MTPAP: variants seen among roughly 807,000 people sequenced by gnomAD.
The protein encoded by MTPAP is mitochondrial poly(A) polymerase.
A neutral mutation model predicts 48.7 loss-of-function variants in MTPAP; 23 were observed. The ratio of observed to expected loss-of-function variants is 0.47; its 90% confidence interval spans 0.34 to 0.67. The LOEUF (loss-of-function observed/expected upper bound fraction) is 0.67, where lower values mean the gene tolerates loss of function less well. Ranked by LOEUF, MTPAP falls within the 30% of genes least tolerant of loss-of-function variation. MTPAP has a pLI of 0.01. For synonymous variants in MTPAP, 257 were observed against 254.1 expected, an observed-to-expected ratio of 1.01 and a Z score of -0.11; for missense variants, 614 against 694.3, an observed-to-expected ratio of 0.88 and a Z score of 1.30.
chr10:30,324,662 T>G (rs1315156293), intron 5 of MTPAP, among the ~76,000 whole-genome samples: 1 of 151,974 alleles, frequency 6.6e-6, no homozygotes, highest in Non-Finnish European at 1.5e-5. Flanking sequence ...AAAAAATAAT[T>G]TAACAGCATC....
In MTPAP at chr10:30,310,093, A is replaced by C. The variant is rs1248015640; in HGVS notation, c.*3516T>G. 1 of 152,238 alleles carries C rather than the reference A, an allele frequency of 6.6e-6. No homozygotes were observed. The highest frequency in any genetic ancestry group is 2.4e-5 in the African/African-American group (1 of 41,466). 9.4% of individuals were successfully genotyped at this position (152,238 alleles called of 1,614,324 possible). A position where few individuals can be genotyped will look rare whatever the true frequency, so the allele number is the denominator to read the frequency against. ...ATGAAAGCCTAGTAATAGTTATAGA[A>C]GAAAAAAACTTGAAAAAAGTTTTAC... is the stretch of plus-strand genomic sequence containing the variant. On this transcript the variant is annotated 3_prime_UTR_variant, in exon 9 of 9. Coordinates refer to ENST00000263063, the MANE Select transcript of MTPAP (RefSeq NM_018109.4).
chr10:30,341,433 T>C lies in MTPAP; in HGVS notation c.330+35A>G, dbSNP rs112602732. 7.4e-4 allele frequency: 1,187 copies of C among 1,598,118 alleles called. 6 individuals carry two copies. The African/African-American group carries it at 0.014, about 19-fold the overall frequency. ...TGGAGACCTCCACCCTTGAAAAGCA[T>C]AAACGTTAAGTTAGATTGTTTTTCA... On this transcript the variant is annotated intron_variant, in intron 2 of 8. Transcript: ENST00000263063.
chr10:30,321,579 T>C (rs1044370386), intron 6 of MTPAP, among the ~76,000 whole-genome samples: 7 of 152,090 alleles, frequency 4.6e-5, no homozygotes, highest in Non-Finnish European at 1.0e-4. Context: ...GTGGGACACA[T>C]AAAGAGGAGT....
Position 30,340,570 on chromosome 10 carries a change from C to T in MTPAP, c.331-120G>A. On this transcript the variant is annotated intron_variant, in intron 2 of 8. Transcript: ENST00000263063. Reference sequence around the variant, plus strand: ...CAAAATATCAAGTCTTTAAAATTTACAAATGATATGATTCTAACATAGCAT... The same window carrying T: ...CAAAATATCAAGTCTTTAAAATTTATAAATGATATGATTCTAACATAGCAT... 5.0e-6 allele frequency: 4 copies of T among 801,646 alleles called. No individual in the cohort carries two copies. The East Asian group carries it at 7.8e-5, about 16-fold the overall frequency. The allele number at this position is 801,646 out of a possible 1,614,324, so 49.7% of individuals were successfully genotyped here. A position where few individuals can be genotyped will look rare whatever the true frequency, so the allele number is the denominator to read the frequency against.
chr10:30,337,104 G>T lies in MTPAP; in HGVS notation c.556-77C>A, dbSNP rs768469905. The T allele has an allele frequency of 2.0e-4, 261 of 1,290,574 alleles. 2 individuals are homozygous for T. The highest frequency in any genetic ancestry group is 3.6e-5 in the Admixed American group (2 of 56,152). 79.9% of individuals were successfully genotyped at this position (1,290,574 alleles called of 1,614,324 possible). ...AAAAAGTTACCATTTTACTTTCAAA[G>T]ATTTGGTGGCGTTGAAGACCTACCT... is the stretch of plus-strand genomic sequence containing the variant. On this transcript the variant is annotated intron_variant, in intron 3 of 8. Coordinates refer to ENST00000263063, the MANE Select transcript of MTPAP (RefSeq NM_018109.4).
Position 30,336,912 on chromosome 10 carries a change from T to G in MTPAP, c.671A>C (p.Asp224Ala), listed in dbSNP as rs762823319. 19 of 1,613,272 alleles carry G rather than the reference T, an allele frequency of 1.2e-5. No homozygotes were observed. Among genetic ancestry groups the G allele is most frequent in the Non-Finnish European group, 1.6e-5 (19 of 1,179,974 alleles). Residue 224 changes from aspartate to alanine, a missense_variant, in exon 4 of 9, where the codon GAC (aspartate) becomes GCC (alanine). Physicochemically the swap from Asp to Ala is moderately radical, Grantham distance 126 (BLOSUM62 -2). Around this residue, in one of 5 missense-constraint regions of MTPAP, gnomAD observed 261 missense variants for 355.4 expected, o/e 0.73. Coordinates refer to ENST00000263063, the MANE Select transcript of MTPAP (RefSeq NM_018109.4). ...IEDMAAAYFP[D>A]CIVRPFGSSV... ...GGAGCCAAAGGGTCTGACTATGCAGTCTGGAAAATACGCGGCGGCCATGTC... is the reference window on the plus strand; with the variant it reads ...GGAGCCAAAGGGTCTGACTATGCAGGCTGGAAAATACGCGGCGGCCATGTC...
intron 1 of MTPAP, among the ~76,000 whole-genome samples, chr10:30,347,458 C>T (rs530575879): frequency 2.2e-4 from 33 of 152,158 alleles, no homozygotes; most frequent in Non-Finnish European, 4.1e-4. Flanking sequence ...TAAAGACATC[C>T]AAATGAGGAT....
intron 1 of MTPAP, among the ~76,000 whole-genome samples, chr10:30,347,138 G>A (rs1442296710): frequency 2.6e-5 from 4 of 152,088 alleles, no homozygotes; most frequent in Admixed American, 1.3e-4. Context: ...AATACACCAT[G>A]TACTCTTATT....
intron 6 of MTPAP, 142 bp downstream of exon 6, chr10:30,322,249 G>A (rs1052598310): frequency 1.4e-5 from 10 of 726,854 alleles, no homozygotes; most frequent in Admixed American, 4.6e-5. Context: ...ATCTGCTCTC[G>A]TGACTCCGGT....
intron 3 of MTPAP, among the ~76,000 whole-genome samples, chr10:30,339,480 C>CAAAAAAA (rs34169013): frequency 1.1e-5 from 1 of 92,312 alleles, no homozygotes; most frequent in Non-Finnish European, 2.2e-5. Flanking sequence ...GACTCCATCT[C>CAAAAAAA]AAAAAAAAAA....
At chr10:30,331,496 G>A (rs531295193) in intron 4 of MTPAP, among the ~76,000 whole-genome samples, 1 of 152,226 alleles carries the variant, frequency 6.6e-6, no homozygotes, top group Non-Finnish European at 1.5e-5. Context: ...TAAGTCAGGT[G>A]ACATATTTCA....
intron 5 of MTPAP, among the ~76,000 whole-genome samples, chr10:30,324,266 C>T (rs1834553838): frequency 6.6e-6 from 1 of 151,944 alleles, no homozygotes; most frequent in South Asian, 2.1e-4. Context: ...GCCTGTAGTC[C>T]CAGCATTTCA....
At chr10:30,324,637 C>T (rs1265969790) in intron 5 of MTPAP, among the ~76,000 whole-genome samples, 1 of 152,042 alleles carries the variant, frequency 6.6e-6, no homozygotes, top group African/African-American at 2.4e-5. Context: ...TCTCCAAGAA[C>T]CAACAGATGG....
At chr10:30,332,451 G>A (rs758705566) in intron 4 of MTPAP, among the ~76,000 whole-genome samples, 2 of 151,856 alleles carry the variant, frequency 1.3e-5, no homozygotes, top group Non-Finnish European at 2.9e-5. Context: ...CCACCACCAC[G>A]CCCAGCTAAT....
At position 30,345,981 on chromosome 10, in the gene MTPAP, C is replaced by T. The variant is rs893079210; in HGVS notation, c.157+3138G>A. 2.0e-5 allele frequency among the ~76,000 whole-genome samples: 3 copies of T among 149,884 alleles called. No homozygotes were observed. The Admixed American group carries it at 2.0e-4, about 10-fold the overall frequency. On this transcript the variant is annotated intron_variant, in intron 1 of 8. Transcript: ENST00000263063. ...GAGAATCGCTAGAAGGCAGAGGTTG[C>T]ACTGAGCCGAGATAGCGCCACTGAA...
At chr10:30,331,961 A>C (rs1030710722) in intron 4 of MTPAP, among the ~76,000 whole-genome samples, 3 of 152,236 alleles carry the variant, frequency 2.0e-5, no homozygotes, top group Non-Finnish European at 2.9e-5. Context: ...AAAAAAGTCT[A>C]ACACACTCTT....
chr10:30,320,571 T>TA (rs1230662415), intron 6 of MTPAP, among the ~76,000 whole-genome samples: 1 of 152,060 alleles, frequency 6.6e-6, no homozygotes, highest in Non-Finnish European at 1.5e-5. Flanking sequence ...TGACCATTTT[T>TA]AAAAAAGATA....
intron 4 of MTPAP, among the ~76,000 whole-genome samples, chr10:30,330,331 G>T (rs1021278728): frequency 6.6e-6 from 1 of 152,110 alleles, no homozygotes; most frequent in Non-Finnish European, 1.5e-5. Context: ...CACAATTTAT[G>T]TTAGGAATAG....
In MTPAP at chr10:30,311,361, C is replaced by G. The variant is rs1381514890; in HGVS notation, c.*2248G>C. ...TTCTTAAAATATCCCATGCAGAACC[C>G]ATTATAATTTCTGACATAAAATTTA... is the stretch of plus-strand genomic sequence containing the variant. On this transcript the variant is annotated 3_prime_UTR_variant, in exon 9 of 9. Transcript: ENST00000263063. 6.6e-6 allele frequency: 1 copy of G among 152,114 alleles called. No individual in the cohort carries two copies. The highest frequency in any genetic ancestry group is 2.4e-5 in the African/African-American group (1 of 41,426). 9.4% of individuals were successfully genotyped at this position (152,114 alleles called of 1,614,324 possible).
Sources: allele counts gnomAD v4.1 joint callset (sites outside exome capture counted in the v4.1 genomes callset), GRCh38; gene constraint gnomAD v4.1.1; regional missense constraint gnomAD v4.1.1; transcripts MANE v1.5; gene names NCBI Gene and HGNC (gene_info 2026-07-23, HGNC 2026-07-21).